SMG1: variants seen among roughly 807,000 people sequenced by gnomAD.
SMG1 encodes the protein SMG1 nonsense mediated mRNA decay associated PI3K related kinase, also known as serine/threonine-protein kinase SMG1.
Under a neutral mutation model 419.9 loss-of-function variants are expected in SMG1, and 22 were observed. The ratio of observed to expected loss-of-function variants is 0.05; its 90% CI spans 0.04 to 0.07. The LOEUF (loss-of-function observed/expected upper bound fraction) is 0.07, where lower values mean the gene tolerates loss of function less well. Among genes scored for constraint, SMG1 ranks in the 10% least tolerant of loss-of-function variants. SMG1 has a pLI of 1.00. For synonymous variants in SMG1, 1,538 were observed against 1,553.5 expected (o/e 0.99, Z 0.23); for missense variants, 3,185 against 4,342.0 (o/e 0.73, Z 7.49).
rs1337118046 is a variant in SMG1, at chr16:18,885,347, A to T, written c.949-185T>A. On this transcript the variant is annotated intron_variant, in intron 7 of 62. Transcript: ENST00000446231. The stretch of plus-strand genomic sequence containing the variant: ...GAACTACATTTCTGACAACAATGAA[A>T]TAGTTTATTTTCTTCAAATATTTTA... 2.3e-5 allele frequency: 17 copies of T among 731,392 alleles called. No individual in the cohort carries two copies. In the East Asian group the frequency reaches 4.3e-4, roughly 18 times the overall value. 45.3% of individuals were successfully genotyped at this position (731,392 alleles called of 1,614,324 possible).
At position 18,926,274 on chromosome 16, in the gene SMG1, G is replaced by T; in HGVS notation, c.-233C>A. On this transcript the variant is annotated 5_prime_UTR_variant, in exon 1 of 63. Coordinates refer to ENST00000446231, the MANE Select transcript of SMG1 (RefSeq NM_015092.5). The stretch of plus-strand genomic sequence containing the variant: ...CAGGACGAGGAGGCGGGAGCGGCGC[G>T]GTGAGAGAGAGGCGGATGAAGGGGA... 1 of 526,940 alleles carries T rather than the reference G, an allele frequency of 1.9e-6. No individual in the cohort carries two copies. Among genetic ancestry groups the T allele is most frequent in the Non-Finnish European group, 3.3e-6 (1 of 301,630 alleles). The allele number at this position is 526,940 out of a possible 1,614,324, so 32.6% of individuals were successfully genotyped here.
At chr16:18,846,400 CA>C (rs2034270423) in intron 38 of SMG1, among the ~76,000 whole-genome samples, 1 of 151,920 alleles carries the variant, frequency 6.6e-6, no homozygotes. Context: ...TTTTGTAAAT[CA>C]AAAAATACTA....
At chr16:18,915,234 A>AG (rs2037926292) in intron 1 of SMG1, among the ~76,000 whole-genome samples, 2 of 151,956 alleles carry the variant, frequency 1.3e-5, no homozygotes, top group Non-Finnish European at 2.9e-5. Flanking sequence ...CGGCCTCCCA[A>AG]ATTGCTGAGA....
chr16:18,816,724 AC>A (rs762196766), intron 57 of SMG1, among the ~76,000 whole-genome samples, 195 bp from the exon 58 acceptor site: 35 of 152,262 alleles, frequency 2.3e-4, no homozygotes, highest in Non-Finnish European at 4.6e-4. Context: ...GAAGATTTTT[AC>A]TTTTCTGCAT....
chr16:18,818,212 G>A (rs1018672148), intron 56 of SMG1, among the ~76,000 whole-genome samples: 2 of 151,950 alleles, frequency 1.3e-5, no homozygotes, highest in Non-Finnish European at 2.9e-5. Flanking sequence ...GTGAAACCCC[G>A]TCTCTACTAA....
At chr16:18,914,266 T>C (rs2037891493) in intron 1 of SMG1, among the ~76,000 whole-genome samples, 1 of 152,050 alleles carries the variant, frequency 6.6e-6, no homozygotes, top group South Asian at 2.1e-4. Context: ...CCTACACATA[T>C]TATATGAAAA....
intron 29 of SMG1, chr16:18,857,667 T>C (rs190727672): frequency 2.0e-5 from 3 of 152,278 alleles, no homozygotes; most frequent in East Asian, 1.9e-4. Flanking sequence ...ACTCAAAGAC[T>C]TGCACATGAA....
chr16:18,833,702 AC>A (rs2033364024), intron 50 of SMG1, among the ~76,000 whole-genome samples: 1 of 152,200 alleles, frequency 6.6e-6, no homozygotes, highest in African/African-American at 2.4e-5. Context: ...CATACCGACT[AC>A]CCTACAAATT....
At chr16:18,815,311 C>A (rs759173402) in intron 59 of SMG1, 30 bp from the exon 60 acceptor site, 2 of 1,542,820 alleles carry the variant, frequency 1.3e-6, no homozygotes, top group South Asian at 2.3e-5. Flanking sequence ...GGCTTATTTA[C>A]GAAATGTTTT....
At chr16:18,915,473 C>T (rs1299059342) in intron 1 of SMG1, among the ~76,000 whole-genome samples, 6 of 152,104 alleles carry the variant, frequency 3.9e-5, no homozygotes, top group Non-Finnish European at 8.8e-5. Flanking sequence ...AAAACACAAA[C>T]TTGCAGGATC....
Position 18,841,628 on chromosome 16 carries a change from G to A in SMG1, c.6633C>T (p.Ala2211=). 6.2e-7 allele frequency: 1 copy of A among 1,613,892 alleles called. No individual in the cohort carries two copies. Among genetic ancestry groups the A allele is most frequent in the South Asian group, 1.1e-5 (1 of 91,082 alleles). Residue 2211 remains alanine, a synonymous_variant, in exon 41 of 63, where the codon GCC becomes GCT. Coordinates refer to ENST00000446231, the MANE Select transcript of SMG1 (RefSeq NM_015092.5). ...GTTTGTAAAGACCAAATAAGGGTGT[G>A]GCTCCATCTACCCACTGGATTAGTC... The part of the protein sequence containing the change: ...RSGLIQWVDG[A]TPLFGLYKRW...
At chr16:18,919,694 AC>A (rs2142017102) in intron 1 of SMG1, among the ~76,000 whole-genome samples, 1 of 138,230 alleles carries the variant, frequency 7.2e-6, no homozygotes, top group South Asian at 2.3e-4. Flanking sequence ...ACACACACAC[AC>A]ACACAATCTC....
rs375281782 is a variant in SMG1 at position 18,852,422 on chromosome 16, C to T, written c.4809G>A (p.Gln1603=). 1.3e-5 allele frequency: 21 copies of T among 1,605,336 alleles called. No homozygotes were observed. The African/African-American group carries it at 2.5e-4, about 19-fold the overall frequency. The change falls in exon 32 of 63, where the codon CAG becomes CAA. Residue 1603 remains glutamine, a synonymous_variant. Transcript: ENST00000446231. ...GVGEPDFILG[Q]LYHLSSVQAP... ...CCTGTACTGAAGACAGGTGATACAACTGTCCCAAAATGAAGTCAGGTTCTC... is the reference window on the plus strand; with the variant it reads ...CCTGTACTGAAGACAGGTGATACAATTGTCCCAAAATGAAGTCAGGTTCTC...
At chr16:18,908,059 C>T (rs1189163016) in intron 1 of SMG1, among the ~76,000 whole-genome samples, 1 of 151,880 alleles carries the variant, frequency 6.6e-6, no homozygotes, top group Non-Finnish European at 1.5e-5. Flanking sequence ...TGCATCCCTC[C>T]CCGACCAGTT....
At position 18,925,977 on chromosome 16, in the gene SMG1, G is replaced by A. The variant is rs758984328; in HGVS notation, c.65C>T (p.Pro22Leu). The A allele has an allele frequency of 6.3e-7, 1 of 1,576,526 alleles. No homozygotes were observed. Among genetic ancestry groups the A allele is most frequent in the Non-Finnish European group, 8.6e-7 (1 of 1,167,526 alleles). The change falls in exon 1 of 63, where the codon CCG becomes CTG. Residue 22 changes from proline (P) to leucine (L), a missense_variant. Around this residue, in one of 27 missense-constraint regions of SMG1, gnomAD observed 88 missense variants for 85.9 expected, o/e 1.02. Transcript: ENST00000446231. Reference protein sequence around the residue: ...SGGGGGGTKYPRSWNDWQPRT... With the variant: ...SGGGGGGTKYLRSWNDWQPRT... ...GGGTTGCCAGTCATTCCAGCTCCGC[G>A]GATACTTGGTGCCGCCGCCGCCGCC...
intron 1 of SMG1, among the ~76,000 whole-genome samples, chr16:18,908,402 C>A (rs112992511): frequency 7.3e-6 from 1 of 137,812 alleles, no homozygotes; most frequent in Admixed American, 8.0e-5. Flanking sequence ...CCCATTCCAA[C>A]GAAGATTAAG....
At chr16:18,916,970 A>G (rs1289337110) in intron 1 of SMG1, among the ~76,000 whole-genome samples, 5 of 152,008 alleles carry the variant, frequency 3.3e-5, no homozygotes, top group Admixed American at 1.3e-4. Context: ...CATGGACCAC[A>G]CTCCATTTTA....
At chr16:18,847,068 T>TCA (rs1253528134) in intron 38 of SMG1, among the ~76,000 whole-genome samples, 4 of 1,054 alleles carry the variant, frequency 3.8e-3, no homozygotes, top group Non-Finnish European at 9.1e-3. Flanking sequence ...TGAAATTATA[T>TCA]CACGTTACAA....
In SMG1 at chr16:18,817,300, T is replaced by C; in HGVS notation, c.10065A>G (p.Leu3355=). 1.9e-6 allele frequency: 3 copies of C among 1,610,550 alleles called. No homozygotes were observed. Among genetic ancestry groups the C allele is most frequent in the Non-Finnish European group, 1.7e-6 (2 of 1,178,702 alleles). ...SSVSELELRL[L]QRVDTGLEHP... is the part of the protein sequence containing the mutation. ...TTCCACCAAGACTCACCACTCTCTG[T>C]AATAAACGAAGCTCTAACTCAGACA... Residue 3355 remains leucine, a synonymous_variant, in exon 57 of 63, where the codon TTA becomes TTG. Coordinates refer to ENST00000446231, the MANE Select transcript of SMG1 (RefSeq NM_015092.5).
Sources: allele counts gnomAD v4.1 joint callset (sites outside exome capture counted in the v4.1 genomes callset), GRCh38; gene constraint gnomAD v4.1.1; regional missense constraint gnomAD v4.1.1; transcripts MANE v1.5; gene names NCBI Gene and HGNC (gene_info 2026-07-23, HGNC 2026-07-21).